HACL1: variants seen among roughly 807,000 people sequenced by gnomAD.
HACL1 encodes 1600020H07Rik.
HACL1 carries 64 observed loss-of-function variants against 74.2 expected under a neutral mutation model. The observed-to-expected ratio is 0.86, with a 90% CI of 0.70 to 1.06. The LOEUF (loss-of-function observed/expected upper bound fraction) is 1.06. Among genes scored for constraint, HACL1 ranks in the 50% least tolerant of loss-of-function variants. The pLI, the probability that HACL1 is intolerant of heterozygous loss-of-function variation, is 0.00. For missense variants in HACL1, 728 were observed against 719.7 expected (o/e 1.01, Z -0.13); for synonymous variants, 230 against 238.8 (o/e 0.96, Z 0.34).
At chr3:15,583,314 C>G (rs1035416090) in intron 7 of HACL1, among the ~76,000 whole-genome samples, 6 of 152,116 alleles carry the variant, frequency 3.9e-5, no homozygotes, top group Admixed American at 3.9e-4. Context: ...ACAGTTATTC[C>G]CTGATATCAT....
At chr3:15,597,336 C>T (rs966913609) in intron 2 of HACL1, among the ~76,000 whole-genome samples, 27 of 152,154 alleles carry the variant, frequency 1.8e-4, no homozygotes, top group Middle Eastern at 6.8e-3. Flanking sequence ...CAATCCTTGG[C>T]GATTTATTGA....
In HACL1 at chr3:15,582,302, G is replaced by A. The variant is rs775397611; in HGVS notation, c.667+575C>T. 3.9e-5 allele frequency among the ~76,000 whole-genome samples: 6 copies of A among 152,214 alleles called. No individual in the cohort carries two copies. The South Asian group carries it at 8.3e-4, about 21-fold the overall frequency. On this transcript the variant is annotated intron_variant, in intron 8 of 16. Transcript: ENST00000321169. ...CATACCCTCTAACTTTTCTTTCTAG[G>A]AAACTTAAATCCTAAATATAGAAAA...
chr3:15,591,714 C>G, intron 3 of HACL1, 34 bp from the exon 4 acceptor site: 1 of 1,369,678 alleles, frequency 7.3e-7, no homozygotes, highest in Non-Finnish European at 1.0e-6. Flanking sequence ...AAAATCAGGT[C>G]AAATGTAACA....
rs2063397399 is a variant in HACL1, at chr3:15,564,467, C to T, written c.1517+84G>A. On this transcript the variant is annotated intron_variant, in intron 15 of 16. Coordinates refer to ENST00000321169, the MANE Select transcript of HACL1 (RefSeq NM_012260.4). ...GGACAATACTCATACCATGTAGGCA[C>T]ATTACTGCCAATATAGAAGACTTTT... The T allele has an allele frequency of 2.7e-5, 19 of 694,308 alleles. No individual in the cohort carries two copies. The South Asian group carries it at 2.9e-4, about 10-fold the overall frequency. 43.0% of individuals were successfully genotyped at this position (694,308 alleles called of 1,614,324 possible). A position where few individuals can be genotyped will look rare whatever the true frequency, so the allele number is the denominator to read the frequency against.
Position 15,573,063 on chromosome 3 carries a change from G to C in HACL1, c.993+96C>G, listed in dbSNP as rs2063563685. 6.7e-6 allele frequency: 5 copies of C among 743,326 alleles called. No individual in the cohort carries two copies. The Admixed American group carries it at 8.2e-5, about 12-fold the overall frequency. 46.0% of individuals were successfully genotyped at this position (743,326 alleles called of 1,614,324 possible). ...ATTTTGTTTAAAACAGATATGAATA[G>C]TAGACCCGTTACCAAGTGAATCAAG... On this transcript the variant is annotated intron_variant, in intron 11 of 16. Coordinates refer to ENST00000321169, the MANE Select transcript of HACL1 (RefSeq NM_012260.4).
chr3:15,592,398 A>ACACACACGTATG (rs2063941656), intron 3 of HACL1, among the ~76,000 whole-genome samples: 1 of 148,276 alleles, frequency 6.7e-6, no homozygotes, highest in African/African-American at 2.6e-5. Context: ...ACACGTGTAT[A>ACACACACGTATG]CATGTAGACA....
At chr3:15,588,011 A>G (rs1188309504) in intron 5 of HACL1, among the ~76,000 whole-genome samples, 3 of 152,080 alleles carry the variant, frequency 2.0e-5, no homozygotes, top group African/African-American at 7.2e-5. Context: ...CTCCTGCCTC[A>G]GCCTCCCAAG....
intron 2 of HACL1, among the ~76,000 whole-genome samples, chr3:15,596,911 G>C (rs1300724596): frequency 6.6e-6 from 1 of 151,618 alleles, no homozygotes; most frequent in Admixed American, 6.6e-5. Context: ...TCTTTTTCTA[G>C]CTTCTTAAAA....
intron 3 of HACL1, among the ~76,000 whole-genome samples, chr3:15,595,604 CTTTTTTTTTTTTTT>C (rs764183329): frequency 1.4e-4 from 14 of 97,344 alleles, no homozygotes; most frequent in African/African-American, 5.3e-4. Context: ...ATCTTTTTTC[CTTTTTTTTTTTTTT>C]TTTTTTTTTG....
rs1204920679 is a variant in HACL1, at chr3:15,601,083, T to C, written c.186+7A>G. 3 of 1,581,732 alleles carry C rather than the reference T, an allele frequency of 1.9e-6. No individual in the cohort carries two copies. The highest frequency in any genetic ancestry group is 2.6e-6 in the Non-Finnish European group (3 of 1,150,408). On this transcript the variant is annotated splice_region_variant and intron_variant, in intron 2 of 16. Transcript: ENST00000321169. ...TAACGCATTCAGCCACCTGAGTCCA[T>C]ACTCACCGCTTGCTCATTCCTCATC...
At chr3:15,560,925 G>A (rs1574900545) in intron 16 of HACL1, 28 bp from the exon 17 acceptor site, 1 of 1,549,680 alleles carries the variant, frequency 6.5e-7, no homozygotes, top group Non-Finnish European at 8.9e-7. Context: ...CAAACATTCA[G>A]TCAAAAGAAA....
intron 10 of HACL1, 99 bp from the exon 11 acceptor site, chr3:15,573,341 CAT>C (rs1208493831): frequency 1.6e-5 from 11 of 677,050 alleles, no homozygotes; most frequent in Middle Eastern, 2.4e-4. Flanking sequence ...ATATAGAACA[CAT>C]GATAAAGAAG....
chr3:15,598,883 C>T (rs1380961149), intron 2 of HACL1, among the ~76,000 whole-genome samples: 2 of 152,196 alleles, frequency 1.3e-5, no homozygotes, highest in Admixed American at 1.3e-4. Flanking sequence ...ATCTCAAATG[C>T]ATGTGTTCAA....
intron 3 of HACL1, 51 bp from the exon 4 acceptor site, chr3:15,591,731 T>C (rs1040603596): frequency 3.4e-6 from 4 of 1,177,566 alleles, no homozygotes; most frequent in Admixed American, 3.7e-5. Context: ...AACAACTGAT[T>C]CATAACACTT....
At chr3:15,568,388 A>G in intron 13 of HACL1, 44 bp downstream of exon 13, 2 of 1,212,790 alleles carry the variant, frequency 1.6e-6, no homozygotes, top group Non-Finnish European at 2.4e-6. Flanking sequence ...CATATTAAAC[A>G]CATTATAATG....
At chr3:15,596,019 C>A in intron 3 of HACL1, 1 of 168,880 alleles carries the variant, frequency 5.9e-6, no homozygotes, top group South Asian at 1.9e-4. Flanking sequence ...AGTTAGGTAA[C>A]ATGGATACAC....
At chr3:15,595,004 G>A (rs1001761550) in intron 3 of HACL1, among the ~76,000 whole-genome samples, 1 of 152,106 alleles carries the variant, frequency 6.6e-6, no homozygotes. Context: ...GTGCATGCCT[G>A]TAATCCCAGC....
rs534788652 is a variant in HACL1 at position 15,592,248 on chromosome 3, G to T, written c.228-568C>A. 8.9e-5 allele frequency among the ~76,000 whole-genome samples: 13 copies of T among 145,408 alleles called. 1 individual carries two copies. The highest frequency in any genetic ancestry group is 3.4e-4 in the African/African-American group (13 of 37,928). On this transcript the variant is annotated intron_variant, in intron 3 of 16. Transcript: ENST00000321169. ...TACATACGTATATACGTATACATACGTGTATATATGGATCCATATATACGT... is the reference window on the plus strand; with the variant it reads ...TACATACGTATATACGTATACATACTTGTATATATGGATCCATATATACGT...
At chr3:15,567,747 G>A (rs2063461672) in intron 14 of HACL1, 97 bp downstream of exon 14, 3 of 1,119,368 alleles carry the variant, frequency 2.7e-6, no homozygotes, top group East Asian at 2.3e-5. Context: ...AGGGCACCTG[G>A]TGAACGCTTC....
Sources: gnomAD v4.1 joint callset for allele counts (sites outside exome capture counted in the v4.1 genomes callset) on GRCh38, gnomAD v4.1.1 for gene constraint, MANE v1.5 for transcripts, NCBI Gene and HGNC (gene_info 2026-07-23, HGNC 2026-07-21) for gene names.